NKAIN2: variants seen among roughly 807,000 people sequenced by gnomAD.
The protein encoded by NKAIN2 is sodium/potassium-transporting ATPase subunit beta-1-interacting protein 2.
NKAIN2 carries 14 observed loss-of-function variants against 32.6 expected under a neutral mutation model. That is an observed-to-expected ratio of 0.43 (90% CI 0.28 to 0.67). NKAIN2 has a LOEUF of 0.67. NKAIN2 is among the 30% of genes least tolerant of loss of function. The pLI, the probability that NKAIN2 is intolerant of heterozygous loss-of-function variation, is 0.17. For missense variants in NKAIN2, 198 were observed against 258.3 expected, an observed-to-expected ratio of 0.77 and a Z score of 1.60; for synonymous variants, 80 against 87.2, an observed-to-expected ratio of 0.92 and a Z score of 0.46.
chr6:123,942,063 T>C (rs929318531), intron 1 of NKAIN2, among the ~76,000 whole-genome samples: 2 of 151,988 alleles, frequency 1.3e-5, no homozygotes, highest in East Asian at 3.9e-4. Flanking sequence ...CATCATCATT[T>C]TATGTGTCTA....
intron 2 of NKAIN2, among the ~76,000 whole-genome samples, chr6:124,337,174 C>T (rs1281001791): frequency 1.3e-5 from 2 of 152,108 alleles, no homozygotes; most frequent in Non-Finnish European, 2.9e-5. Flanking sequence ...AAATTTGAAA[C>T]TTCACTCTCC....
In NKAIN2 at chr6:124,118,096, G is replaced by A. The variant is rs1003628008; in HGVS notation, c.55-164909G>A. On this transcript the variant is annotated intron_variant, in intron 1 of 6. Transcript: ENST00000368417. ...CTTGTATTCTGGAGGTTTAAACAGA[G>A]CCCTGGGGATAAGGCATGATGCTAT... 6.6e-5 allele frequency among the ~76,000 whole-genome samples: 10 copies of A among 152,118 alleles called. No individual in the cohort carries two copies. The East Asian group carries it at 1.5e-3, about 24-fold the overall frequency.
chr6:124,088,798 T>A (rs546995568), intron 1 of NKAIN2, among the ~76,000 whole-genome samples: 64 of 152,142 alleles, frequency 4.2e-4, no homozygotes, highest in Non-Finnish European at 7.8e-4. Context: ...TCTAGTAGGA[T>A]TTGTGTGCTA....
At chr6:124,607,032 A>G (rs575064957) in intron 3 of NKAIN2, among the ~76,000 whole-genome samples, 2 of 152,286 alleles carry the variant, frequency 1.3e-5, no homozygotes, top group South Asian at 2.1e-4. Flanking sequence ...TATGGAGTGG[A>G]TAGTTTAGTT....
chr6:124,324,644 T>A (rs1797342149), intron 2 of NKAIN2, among the ~76,000 whole-genome samples: 1 of 152,138 alleles, frequency 6.6e-6, no homozygotes, highest in Non-Finnish European at 1.5e-5. Flanking sequence ...TTGCTTTATT[T>A]ACAGTCTTAT....
intron 1 of NKAIN2, among the ~76,000 whole-genome samples, chr6:124,014,867 A>C (rs1318062019): frequency 2.0e-5 from 3 of 152,152 alleles, no homozygotes; most frequent in African/African-American, 7.2e-5. Context: ...ATTATTCACC[A>C]TGTGAACATT....
At chr6:124,458,798 A>G (rs1204303823) in intron 3 of NKAIN2, among the ~76,000 whole-genome samples, 2 of 151,824 alleles carry the variant, frequency 1.3e-5, no homozygotes, top group East Asian at 3.9e-4. Context: ...AGGACCAGAA[A>G]CAAATGTGTA....
At chr6:124,462,455 C>T (rs926240962) in intron 3 of NKAIN2, among the ~76,000 whole-genome samples, 4 of 151,894 alleles carry the variant, frequency 2.6e-5, no homozygotes, top group Admixed American at 2.6e-4. Flanking sequence ...AAATACAAAC[C>T]TCACATTCTT....
chr6:124,071,944 TA>T (rs1783486558), intron 1 of NKAIN2, among the ~76,000 whole-genome samples: 1 of 152,090 alleles, frequency 6.6e-6, no homozygotes, highest in Admixed American at 6.6e-5. Context: ...AAAACACAAG[TA>T]CCATTCCAAG....
chr6:124,028,739 A>G (rs1781240825), intron 1 of NKAIN2, among the ~76,000 whole-genome samples: 1 of 144,082 alleles, frequency 6.9e-6, no homozygotes, highest in Admixed American at 6.8e-5. Flanking sequence ...GTATACACGT[A>G]TATATGTGTA....
At position 124,717,950 on chromosome 6, in the gene NKAIN2, C is replaced by A. The variant is rs889614261; in HGVS notation, c.474+59564C>A. 1.4e-4 allele frequency among the ~76,000 whole-genome samples: 21 copies of A among 152,202 alleles called. No individual in the cohort carries two copies. In the East Asian group the frequency reaches 4.1e-3, roughly 29 times the overall value. On this transcript the variant is annotated intron_variant, in intron 4 of 6. Coordinates refer to ENST00000368417, the MANE Select transcript of NKAIN2 (RefSeq NM_001040214.3). The stretch of plus-strand genomic sequence containing the variant: ...ATCCCCAGGCATATTCAAAAGAAAA[C>A]CCTGAGTTAAATGGTTTTATCTCTA...
chr6:124,803,227 C>A (rs1447054875), intron 5 of NKAIN2, among the ~76,000 whole-genome samples: 1 of 152,178 alleles, frequency 6.6e-6, no homozygotes, highest in Non-Finnish European at 1.5e-5. Flanking sequence ...ACTTGATTTT[C>A]CCTCAAGAAC....
chr6:124,066,527 C>A (rs1783187554), intron 1 of NKAIN2, among the ~76,000 whole-genome samples: 1 of 152,232 alleles, frequency 6.6e-6, no homozygotes, highest in South Asian at 2.1e-4. Context: ...GATCTTGATT[C>A]ATAGCTCATA....
At chr6:123,854,321 T>C (rs969632844) in intron 1 of NKAIN2, among the ~76,000 whole-genome samples, 2 of 152,194 alleles carry the variant, frequency 1.3e-5, no homozygotes, top group African/African-American at 4.8e-5. Context: ...TTTTAATTTT[T>C]AAAATGCACT....
At chr6:124,785,608 G>C (rs1213970605) in intron 4 of NKAIN2, among the ~76,000 whole-genome samples, 1 of 152,148 alleles carries the variant, frequency 6.6e-6, no homozygotes, top group African/African-American at 2.4e-5. Flanking sequence ...TAGAAGTCCA[G>C]GGTTCCCACT....
At chr6:124,480,040 A>G (rs1322856475) in intron 3 of NKAIN2, among the ~76,000 whole-genome samples, 1 of 152,218 alleles carries the variant, frequency 6.6e-6, no homozygotes, top group Non-Finnish European at 1.5e-5. Flanking sequence ...GCAGAGGAAA[A>G]TACAATCTTA....
intron 1 of NKAIN2, among the ~76,000 whole-genome samples, chr6:123,844,460 C>T (rs974229983): frequency 6.6e-6 from 1 of 152,130 alleles, no homozygotes; most frequent in African/African-American, 2.4e-5. Flanking sequence ...GCTGACATCC[C>T]CTTTAAATAG....
At chr6:124,571,149 G>A (rs899658784) in intron 3 of NKAIN2, among the ~76,000 whole-genome samples, 9 of 152,086 alleles carry the variant, frequency 5.9e-5, no homozygotes, top group East Asian at 1.9e-4. Context: ...TACCCGTACC[G>A]CCATTGTATC....
intron 1 of NKAIN2, among the ~76,000 whole-genome samples, chr6:124,069,195 A>G (rs1400518343): frequency 1.3e-5 from 2 of 152,152 alleles, no homozygotes; most frequent in Admixed American, 1.3e-4. Flanking sequence ...TTTATCACTC[A>G]GGTTCTATTA....
Sources: allele counts gnomAD v4.1 joint callset (sites outside exome capture counted in the v4.1 genomes callset), GRCh38; gene constraint gnomAD v4.1.1; transcripts MANE v1.5; gene names NCBI Gene and HGNC (gene_info 2026-07-23, HGNC 2026-07-21).